UNC13D: variants seen among roughly 807,000 people sequenced by gnomAD.
UNC13D encodes the protein unc-13 homolog D.
In UNC13D, 115 loss-of-function variants were observed where a neutral mutation model predicts 151.7. The observed-to-expected ratio is 0.76, with a 90% CI of 0.65 to 0.88. UNC13D has a LOEUF of 0.88. UNC13D is among the 40% of genes least tolerant of loss of function. UNC13D has a pLI of 0.00. For missense variants in UNC13D, 1,369 were observed against 1,438.7 expected (o/e 0.95, Z 0.78); for synonymous variants, 588 against 612.2 (o/e 0.96, Z 0.58).
rs547919091 is a variant in UNC13D, at chr17:75,842,917, T to C, written c.328A>G (p.Ile110Val). The C allele has an allele frequency of 3.7e-6, 6 of 1,613,462 alleles. No homozygotes were observed. The highest frequency in any genetic ancestry group is 2.2e-5 in the East Asian group (1 of 44,838). Reference protein sequence around the residue: ...LQRVRELEKPIFCLKATVKQA... With the variant: ...LQRVRELEKPVFCLKATVKQA... ...TTCACTGTTGCCTTCAGACAAAATA[T>C]TGGCTTCTGGAGGGACAGGAGGGAT... The change falls in exon 5 of 32, where the codon ATA (isoleucine) becomes GTA (valine). Residue 110 changes from isoleucine to valine, a missense_variant. Ile to Val is a conservative substitution (Grantham distance 29). Coordinates refer to ENST00000207549, the MANE Select transcript of UNC13D (RefSeq NM_199242.3).
rs2064897321 is a variant in UNC13D at position 75,834,981 on chromosome 17, G to A, written c.1931C>T (p.Ala644Val). 1 of 1,614,008 alleles carries A rather than the reference G, an allele frequency of 6.2e-7. No individual in the cohort carries two copies. Among genetic ancestry groups the A allele is most frequent in the Non-Finnish European group, 8.5e-7 (1 of 1,180,030 alleles). The change falls in exon 21 of 32, where the codon GCC (alanine) becomes GTC (valine). Residue 644 changes from alanine (A) to valine (V), a missense_variant. Ala to Val is a moderately conservative substitution (Grantham distance 64). This residue lies in a region of UNC13D where 807 missense variants were observed against 795.5 expected (regional missense o/e 1.01). Coordinates refer to ENST00000207549, the MANE Select transcript of UNC13D (RefSeq NM_199242.3). ...TGGGTCTGGCCAGTCCAGCTGCCGG[G>A]CAGTGTGGCTGATCTGGGCAAAGCA... Reference protein sequence around the residue: ...STCFAQISHTARQLDWPDPEE... With the variant: ...STCFAQISHTVRQLDWPDPEE...
At position 75,835,552 on chromosome 17, in the gene UNC13D, G is replaced by A. The variant is rs116106644; in HGVS notation, c.1728-23C>T. Reference sequence around the variant, plus strand: ...TCCCTGGGGATTGCCGGGGCTCAGCGTCGGGAAGGCTGGGGCCACCATGGA... The same window carrying A: ...TCCCTGGGGATTGCCGGGGCTCAGCATCGGGAAGGCTGGGGCCACCATGGA... On this transcript the variant is annotated intron_variant, in intron 19 of 31. Transcript: ENST00000207549. The A allele has an allele frequency of 2.8e-3, 4,453 of 1,600,768 alleles. 100 individuals are homozygous for A. The African/African-American group carries it at 0.052, about 19-fold the overall frequency.
chr17:75,839,220 T>C (rs945438222), intron 12 of UNC13D, among the ~76,000 whole-genome samples: 3 of 150,434 alleles, frequency 2.0e-5, no homozygotes, highest in African/African-American at 4.9e-5. Flanking sequence ...TTGACCAACA[T>C]GGAGAAACCC....
Position 75,836,093 on chromosome 17 carries a change from C to T in UNC13D, c.1463G>A (p.Gly488Asp). ...CTGTACCAGGCCCAGCAAGGCCTTG[C>T]CTGCCTCCGGGATGCCCTGCAGAGA... Reference protein sequence around the residue: ...QPMVQGIPEAGKALLGLVQDV... With the variant: ...QPMVQGIPEADKALLGLVQDV... The change falls in exon 17 of 32, where the codon GGC becomes GAC. Residue 488 changes from glycine (G) to aspartate (D), a missense_variant. Gly to Asp is a moderately conservative substitution (Grantham distance 94). This residue lies in a region of UNC13D where 807 missense variants were observed against 795.5 expected (regional missense o/e 1.01). Coordinates refer to ENST00000207549, the MANE Select transcript of UNC13D (RefSeq NM_199242.3). 6.2e-7 allele frequency: 1 copy of T among 1,613,498 alleles called. No homozygotes were observed. Among genetic ancestry groups the T allele is most frequent in the African/African-American group, 1.3e-5 (1 of 75,070 alleles).
Position 75,830,123 on chromosome 17 carries a change from G to A in UNC13D, c.2859C>T (p.Thr953=), listed in dbSNP as rs574589859. The change falls in exon 30 of 32, where the codon ACC becomes ACT. Residue 953 remains threonine (T), a synonymous_variant. Transcript: ENST00000207549. Reference sequence around the variant, plus strand: ...CAGGGAACTCATGCCTGGGCTCCAAGGTCAGCTGGACAAAGGGGTCGCTGG... The same window carrying A: ...CAGGGAACTCATGCCTGGGCTCCAAAGTCAGCTGGACAAAGGGGTCGCTGG... ...NGSSDPFVQL[T]LEPRHEFPEL... 34 of 1,589,146 alleles carry A rather than the reference G, an allele frequency of 2.1e-5. No homozygotes were observed. In the South Asian group the frequency reaches 3.9e-4, roughly 18 times the overall value.
Position 75,827,830 on chromosome 17 carries a change from G to A in UNC13D, c.*135C>T, listed in dbSNP as rs1424419231. The A allele has an allele frequency of 1.2e-5, 18 of 1,504,180 alleles. No homozygotes were observed. Among genetic ancestry groups the A allele is most frequent in the Non-Finnish European group, 1.4e-5 (16 of 1,126,924 alleles). 93.2% of individuals were successfully genotyped at this position (1,504,180 alleles called of 1,614,324 possible). On this transcript the variant is annotated 3_prime_UTR_variant, in exon 32 of 32. Coordinates refer to ENST00000207549, the MANE Select transcript of UNC13D (RefSeq NM_199242.3). ...GAGGCAGGGGAGGTCTGCACTCTGG[G>A]CACTCCGCATGCTGGGGCTCCCCAA...
chr17:75,831,485 C>T (rs928078696), intron 25 of UNC13D, 137 bp from the exon 26 acceptor site: 12 of 744,902 alleles, frequency 1.6e-5, no homozygotes, highest in Middle Eastern at 3.8e-4. Flanking sequence ...CCTCCCCCTC[C>T]GCCTCCCACC....
In UNC13D at chr17:75,828,716, C is replaced by T. The variant is rs1056144854; in HGVS notation, c.3151+71G>A. The T allele has an allele frequency of 1.1e-5, 15 of 1,417,312 alleles. No individual in the cohort carries two copies. In the Admixed American group the frequency reaches 3.6e-4, roughly 34 times the overall value. The allele number at this position is 1,417,312 out of a possible 1,614,324, so 87.8% of individuals were successfully genotyped here. The stretch of plus-strand genomic sequence containing the variant: ...AGCTGTTCTCCGACCCTGGCATCAC[C>T]TCTCTGGGGCCCCTGCCTGAGCTTT... On this transcript the variant is annotated intron_variant, in intron 31 of 31. Transcript: ENST00000207549.
At position 75,827,747 on chromosome 17, in the gene UNC13D, G is replaced by A; in HGVS notation, c.*218C>T. ...GGATGTGGTAGAGACATTGCAGCCA[G>A]GGCTGGAGGCAGGGAGGCGGGAGTA... On this transcript the variant is annotated 3_prime_UTR_variant, in exon 32 of 32. Coordinates refer to ENST00000207549, the MANE Select transcript of UNC13D (RefSeq NM_199242.3). 6.7e-7 allele frequency: 1 copy of A among 1,489,768 alleles called. No individual in the cohort carries two copies. The highest frequency in any genetic ancestry group is 2.5e-5 in the East Asian group (1 of 40,248). The allele number at this position is 1,489,768 out of a possible 1,614,324, so 92.3% of individuals were successfully genotyped here. A position where few individuals can be genotyped will look rare whatever the true frequency, so the allele number is the denominator to read the frequency against.
chr17:75,835,011 G>T lies in UNC13D; in HGVS notation c.1901C>A (p.Ser634Tyr), dbSNP rs1313268693. The T allele has an allele frequency of 1.2e-6, 2 of 1,614,084 alleles. No homozygotes were observed. The change falls in exon 21 of 32, where the codon TCC becomes TAC. Residue 634 changes from serine to tyrosine, a missense_variant. Ser to Tyr is a moderately radical substitution (Grantham distance 144). This residue lies in a region of UNC13D where 807 missense variants were observed against 795.5 expected (regional missense o/e 1.01). Coordinates refer to ENST00000207549, the MANE Select transcript of UNC13D (RefSeq NM_199242.3). ...TKHSTSAVDL[S>Y]TCFAQISHTA... ...GTGGCTGATCTGGGCAAAGCAGGTGGATAGATCCACCGCTGATGTGCTGTG... is the reference window on the plus strand; with the variant it reads ...GTGGCTGATCTGGGCAAAGCAGGTGTATAGATCCACCGCTGATGTGCTGTG...
chr17:75,835,864 C>A lies in UNC13D; in HGVS notation c.1587G>T (p.Leu529=). ...IHLFSMAFRE[L]QWLVAKRVQD... The stretch of plus-strand genomic sequence containing the variant: ...CGGGGGAGGGACTCACCAGCCACTG[C>A]AGCTCCCGGAAAGCCATGGAGAAGA... The change falls in exon 18 of 32, where the codon CTG becomes CTT. Residue 529 remains leucine (L), a synonymous_variant. Coordinates refer to ENST00000207549, the MANE Select transcript of UNC13D (RefSeq NM_199242.3). 6.2e-7 allele frequency: 1 copy of A among 1,614,186 alleles called. No homozygotes were observed. Among genetic ancestry groups the A allele is most frequent in the South Asian group, 1.1e-5 (1 of 91,090 alleles).
rs1301197309 is a variant in UNC13D, at chr17:75,835,821, G to A, written c.1596+34C>T. The A allele has an allele frequency of 1.4e-5, 22 of 1,614,054 alleles. No individual in the cohort carries two copies. The East Asian group carries it at 4.9e-4, about 36-fold the overall frequency. ...GAGGGCGGGGCCCACAGCTCTGTTG[G>A]AGGGCATGCCCTAGAGACGGGGGAG... On this transcript the variant is annotated intron_variant, in intron 18 of 31. Transcript: ENST00000207549.
intron 27 of UNC13D, 133 bp downstream of exon 27, chr17:75,830,965 C>G (rs568237068): frequency 3.3e-5 from 39 of 1,168,286 alleles, no homozygotes; most frequent in Non-Finnish European, 4.5e-5. Context: ...TTTGTAATAA[C>G]TTTTGAATAA....
At chr17:75,828,162 G>C (rs1406660468) in intron 31 of UNC13D, 76 bp from the exon 32 acceptor site, 3 of 1,526,672 alleles carry the variant, frequency 2.0e-6, no homozygotes, top group Non-Finnish European at 2.7e-6. Context: ...AGAGTGTGTG[G>C]GGGGGTACAC....
In UNC13D at chr17:75,840,509, G is replaced by A. The variant is rs2143893153; in HGVS notation, c.751C>T (p.Gln251Ter). Reference sequence around the variant, plus strand: ...GCCCCTTTCCTCATCCTCCTCACCTGCAGCCTCAGAACCACGTTCCCCAGA... The same window carrying A: ...GCCCCTTTCCTCATCCTCCTCACCTACAGCCTCAGAACCACGTTCCCCAGA... ...DFLGNVVLRL[Q>*]DLRCREDQWY... Residue 251 changes from glutamine (Q) to a stop codon, truncating the protein, a stop_gained and splice_region_variant, in exon 9 of 32, where the codon CAG becomes TAG. Transcript: ENST00000207549. LOFTEE classifies it high-confidence loss of function. This position sits in a 1 kb window ranked among gnomAD's most constrained non-coding sequence, Gnocchi z 4.6. 3 of 1,613,748 alleles carry A rather than the reference G, an allele frequency of 1.9e-6. No individual in the cohort carries two copies. Among genetic ancestry groups the A allele is most frequent in the Non-Finnish European group, 2.5e-6 (3 of 1,179,938 alleles).
Position 75,840,345 on chromosome 17 carries a change from G to A in UNC13D, c.754-16C>T. On this transcript the variant is annotated splice_polypyrimidine_tract_variant and intron_variant, in intron 9 of 31. Transcript: ENST00000207549. This position sits in a 1 kb window ranked among gnomAD's most constrained non-coding sequence, Gnocchi z 4.6. ...AGCGCAGGTCCTGACAGGCGGGGAT[G>A]CCCAGCCCGTGAGCGTCAGAACCTC... 1 of 1,612,278 alleles carries A rather than the reference G, an allele frequency of 6.2e-7. No individual in the cohort carries two copies. The highest frequency in any genetic ancestry group is 8.5e-7 in the Non-Finnish European group (1 of 1,179,222).
rs1041656660 is a variant in UNC13D at position 75,834,359 on chromosome 17, T to A, written c.2264A>T (p.Glu755Val). The A allele has an allele frequency of 3.4e-5, 54 of 1,594,814 alleles. No individual in the cohort carries two copies. Among genetic ancestry groups the A allele is most frequent in the Non-Finnish European group, 4.5e-5 (53 of 1,178,926 alleles). Residue 755 changes from glutamate (E) to valine (V), a missense_variant, in exon 23 of 32, where the codon GAG becomes GTG. Transcript: ENST00000207549. The part of the protein sequence containing the change: ...LQSALAGLGH[E>V]IRTGVRTLAE... ...CAGGGTGCGGACGCCAGTGCGGATC[T>A]CATGGCCCAGCCCGGCCAGCGCGCT...
intron 6 of UNC13D, among the ~76,000 whole-genome samples, chr17:75,841,734 C>T (rs1442681407): frequency 6.7e-6 from 1 of 149,148 alleles, no homozygotes; most frequent in South Asian, 2.1e-4. Flanking sequence ...TGAGTCCCTG[C>T]GCCTGGCCCC....
At chr17:75,829,280 C>T (rs2062144089) in intron 30 of UNC13D, among the ~76,000 whole-genome samples, 1 of 152,236 alleles carries the variant, frequency 6.6e-6, no homozygotes, top group African/African-American at 2.4e-5. Context: ...TGGGAGTCCA[C>T]CCCTTCCCCC....
Sources: allele counts gnomAD v4.1 joint callset (sites outside exome capture counted in the v4.1 genomes callset), GRCh38; gene constraint gnomAD v4.1.1; regional missense constraint gnomAD v4.1.1; non-coding constraint Gnocchi (gnomAD v3.1); transcripts MANE v1.5; gene names NCBI Gene and HGNC (gene_info 2026-07-23, HGNC 2026-07-21).